HORMAD2: variants seen among roughly 807,000 people sequenced by gnomAD.
HORMAD2 encodes HORMA domain-containing protein 2.
A neutral mutation model predicts 38.8 loss-of-function variants in HORMAD2; 45 were observed. That is an observed-to-expected ratio of 1.16 (90% CI 0.91 to 1.49). The LOEUF (loss-of-function observed/expected upper bound fraction) is 1.49, where lower values mean the gene tolerates loss of function less well. HORMAD2 is among the 40% of genes most tolerant of loss of function. HORMAD2 has a pLI of 0.00. For missense variants in HORMAD2, 338 were observed against 367.0 expected, an observed-to-expected ratio of 0.92 and a Z score of 0.65; for synonymous variants, 126 against 122.8, an observed-to-expected ratio of 1.03 and a Z score of -0.17.
chr22:30,089,895 CA>C (rs1382821759), intron 1 of HORMAD2, among the ~76,000 whole-genome samples: 1 of 152,172 alleles, frequency 6.6e-6, no homozygotes, highest in Admixed American at 6.5e-5. Context: ...TCTACCCCAC[CA>C]GCACCTGGTA....
the HORMAD2 span, among the ~76,000 whole-genome samples, chr22:30,192,738 G>A: frequency 6.6e-6 from 1 of 152,148 alleles, no homozygotes; most frequent in Non-Finnish European, 1.5e-5. Context: ...ACTCAACTGT[G>A]TTGAGTTCCA....
rs747242177 is a variant in HORMAD2, at chr22:30,104,372, A to G, written c.258-29A>G. 1.8e-5 allele frequency: 28 copies of G among 1,598,920 alleles called. 1 individual carries two copies. In the South Asian group the frequency reaches 2.8e-4, roughly 16 times the overall value. On this transcript the variant is annotated intron_variant, in intron 4 of 10. Transcript: ENST00000336726. ...TTTTTTTGGATTTGCATATGGTCCA[A>G]TTGACATCAAACATTTATTTCTTGA...
At chr22:30,099,874 C>T (rs1207264355) in intron 3 of HORMAD2, among the ~76,000 whole-genome samples, 1 of 152,014 alleles carries the variant, frequency 6.6e-6, no homozygotes, top group Admixed American at 6.6e-5. Context: ...GTGACAAGAG[C>T]AAAACTTCAT....
chr22:30,182,123 G>C, the HORMAD2 span, among the ~76,000 whole-genome samples: 1 of 152,136 alleles, frequency 6.6e-6, no homozygotes, highest in Non-Finnish European at 1.5e-5. Flanking sequence ...TTCAAACCCT[G>C]GTCACCCTAC....
At chr22:30,124,871 A>G (rs2146136641) in intron 10 of HORMAD2, among the ~76,000 whole-genome samples, 1 of 152,298 alleles carries the variant, frequency 6.6e-6, no homozygotes, top group Middle Eastern at 3.4e-3. Context: ...GGTCGTACCA[A>G]CTTACTCGCT....
At chr22:30,090,115 C>A (rs918134315) in intron 1 of HORMAD2, among the ~76,000 whole-genome samples, 2 of 152,162 alleles carry the variant, frequency 1.3e-5, no homozygotes, top group East Asian at 1.9e-4. Flanking sequence ...ATAATCCCAG[C>A]ACACTGGGAG....
the HORMAD2 span, among the ~76,000 whole-genome samples, chr22:30,188,704 A>G: frequency 2.6e-5 from 4 of 152,206 alleles, no homozygotes; most frequent in Non-Finnish European, 5.9e-5. Flanking sequence ...TTGGAAACCA[A>G]AACTCACTAA....
At chr22:30,078,730 G>T (rs2068420126), upstream of HORMAD2, among the ~76,000 whole-genome samples, 1 of 151,790 alleles carries the variant, frequency 6.6e-6, no homozygotes, top group Non-Finnish European at 1.5e-5. Context: ...GCAGAGAGGG[G>T]TAAGTCTTTG....
intron 10 of HORMAD2, among the ~76,000 whole-genome samples, chr22:30,149,877 T>C (rs1478429865): frequency 6.6e-6 from 1 of 152,244 alleles, no homozygotes; most frequent in Non-Finnish European, 1.5e-5. Context: ...TTTTGAGGCA[T>C]TGCTCCTCTT....
chr22:30,179,367 G>GA (rs1424211582), downstream of HORMAD2, among the ~76,000 whole-genome samples: 1 of 151,850 alleles, frequency 6.6e-6, no homozygotes, highest in Non-Finnish European at 1.5e-5. Flanking sequence ...TTGTTTAAAG[G>GA]AAAAAAAGGT....
chr22:30,144,157 A>G (rs1455022550), intron 10 of HORMAD2, among the ~76,000 whole-genome samples: 1 of 152,168 alleles, frequency 6.6e-6, no homozygotes, highest in African/African-American at 2.4e-5. Context: ...CAGTTATTAA[A>G]CACAACTAAT....
chr22:30,111,788 T>C lies in HORMAD2; in HGVS notation c.295-8T>C, dbSNP rs370144884. On this transcript the variant is annotated splice_region_variant and splice_polypyrimidine_tract_variant and intron_variant, in intron 5 of 10. Coordinates refer to ENST00000336726, the MANE Select transcript of HORMAD2 (RefSeq NM_152510.4). ...AATAATAATAGTTTTTTTTTCTTTC[T>C]CTTGAAGCTACGTATGGCAGTACTG... The C allele has an allele frequency of 1.3e-6, 2 of 1,551,210 alleles. No individual in the cohort carries two copies. The highest frequency in any genetic ancestry group is 2.7e-5 in the African/African-American group (2 of 72,986).
At chr22:30,160,576 C>G (rs1925380619) in intron 10 of HORMAD2, among the ~76,000 whole-genome samples, 1 of 152,110 alleles carries the variant, frequency 6.6e-6, no homozygotes, top group Admixed American at 6.5e-5. Context: ...GTAAAAGAAA[C>G]TAGTAACAGT....
intron 3 of HORMAD2, among the ~76,000 whole-genome samples, 198 bp from the exon 4 acceptor site, chr22:30,103,239 A>T (rs1304296563): frequency 6.6e-6 from 1 of 152,188 alleles, no homozygotes; most frequent in Non-Finnish European, 1.5e-5. Flanking sequence ...CTGTAATCGA[A>T]ATTGAGACCA....
intron 10 of HORMAD2, among the ~76,000 whole-genome samples, chr22:30,134,840 A>G (rs1209442549): frequency 6.6e-6 from 1 of 152,190 alleles, no homozygotes; most frequent in Non-Finnish European, 1.5e-5. Context: ...CAAATCCCTG[A>G]TTCAAAATTG....
At chr22:30,111,166 A>G (rs1042309070) in intron 5 of HORMAD2, among the ~76,000 whole-genome samples, 24 of 150,768 alleles carry the variant, frequency 1.6e-4, no homozygotes, top group Non-Finnish European at 2.4e-4. Flanking sequence ...AAAAAAAAAA[A>G]AAAGAAAGAA....
chr22:30,079,345 G>A (rs891277169), upstream of HORMAD2, among the ~76,000 whole-genome samples: 1 of 152,140 alleles, frequency 6.6e-6, no homozygotes. Flanking sequence ...GAGATTAGGG[G>A]TAGGGCACAA....
the HORMAD2 span, among the ~76,000 whole-genome samples, chr22:30,187,562 A>G: frequency 5.1e-4 from 77 of 150,754 alleles, no homozygotes; most frequent in East Asian, 0.011. Flanking sequence ...TCAATTAACT[A>G]TGCTTTGTGA....
At chr22:30,188,864 G>A in the HORMAD2 span, among the ~76,000 whole-genome samples, 2,542 of 152,172 alleles carry the variant, frequency 0.017, 68 homozygotes, top group African/African-American at 0.058. Flanking sequence ...GGCCGGGTGC[G>A]GTGGCTCATG....
Sources: allele counts gnomAD v4.1 joint callset (sites outside exome capture counted in the v4.1 genomes callset), GRCh38; gene constraint gnomAD v4.1.1; transcripts MANE v1.5; gene names NCBI Gene and HGNC (gene_info 2026-07-23, HGNC 2026-07-21).